FBXO42: variants seen among roughly 807,000 people sequenced by gnomAD.
FBXO42 encodes F-box only protein 42.
A neutral mutation model predicts 71.7 loss-of-function variants in FBXO42; 12 were observed. The observed-to-expected ratio is 0.17, with a 90% confidence interval of 0.11 to 0.27. The LOEUF (loss-of-function observed/expected upper bound fraction) is 0.27, where lower values mean the gene tolerates loss of function less well. Among genes scored for constraint, FBXO42 ranks in the 10% least tolerant of loss-of-function variants. The probability of loss-of-function intolerance (pLI) is 1.00; values close to 1 mark genes in which losing one functional copy is unlikely to be tolerated. For synonymous variants in FBXO42, 325 were observed against 327.5 expected, an observed-to-expected ratio of 0.99 and a Z score of 0.08; for missense variants, 707 against 911.9, an observed-to-expected ratio of 0.78 and a Z score of 2.89.
intron 4 of FBXO42, among the ~76,000 whole-genome samples, chr1:16,276,201 G>A (rs1476840323): frequency 2.0e-5 from 3 of 151,786 alleles, no homozygotes; most frequent in African/African-American, 4.8e-5. Flanking sequence ...CTAACACGGT[G>A]AAACCCCGTT....
intron 1 of FBXO42, among the ~76,000 whole-genome samples, chr1:16,326,534 A>C (rs1395454216): frequency 6.6e-6 from 1 of 151,634 alleles, no homozygotes; most frequent in Non-Finnish European, 1.5e-5. Flanking sequence ...AAATACAAAA[A>C]TTAGTGGGGT....
At chr1:16,345,847 C>CA (rs34529034) in intron 1 of FBXO42, among the ~76,000 whole-genome samples, 36,438 of 117,170 alleles carry the variant, frequency 0.31, 5,453 homozygotes, top group Non-Finnish European at 0.36. Flanking sequence ...GACTCCGTCT[C>CA]AAAAAAAAAA....
At chr1:16,336,352 TTTTG>T (rs559107004) in intron 1 of FBXO42, among the ~76,000 whole-genome samples, 142 of 151,992 alleles carry the variant, frequency 9.3e-4, no homozygotes, top group African/African-American at 3.1e-3. Context: ...TGCTGCCCTT[TTTTG>T]TTTGTTTTTG....
rs954352063 is a variant in FBXO42 at position 16,261,992 on chromosome 1, G to A, written c.503-5233C>T. ...CTCCCAAACTGCTGGGATTACAGGC[G>A]TGAGCCACCGCGCCTGGCCCAGGTA... On this transcript the variant is annotated intron_variant, in intron 4 of 9. Transcript: ENST00000375592. Among the ~76,000 whole-genome samples, 7 of 152,124 alleles carry A rather than the reference G, an allele frequency of 4.6e-5. No homozygotes were observed. In the South Asian group the frequency reaches 6.2e-4, roughly 14 times the overall value.
At chr1:16,281,829 G>C (rs1451768918) in intron 4 of FBXO42, among the ~76,000 whole-genome samples, 1 of 151,638 alleles carries the variant, frequency 6.6e-6, no homozygotes, top group East Asian at 1.9e-4. Flanking sequence ...GCTGATTTTT[G>C]TATTTTTTAT....
intron 4 of FBXO42, among the ~76,000 whole-genome samples, chr1:16,278,972 C>T (rs2081932815): frequency 6.6e-6 from 1 of 152,014 alleles, no homozygotes. Context: ...CACGGGGTTT[C>T]TCCATGTTGG....
At chr1:16,288,638 C>A (rs1015362777) in intron 4 of FBXO42, among the ~76,000 whole-genome samples, 1 of 151,938 alleles carries the variant, frequency 6.6e-6, no homozygotes, top group Non-Finnish European at 1.5e-5. Flanking sequence ...CTTGATTGGC[C>A]TTCTCATGCT....
At chr1:16,303,227 T>C (rs2082214940) in intron 3 of FBXO42, among the ~76,000 whole-genome samples, 1 of 152,138 alleles carries the variant, frequency 6.6e-6, no homozygotes, top group Non-Finnish European at 1.5e-5. Flanking sequence ...AACTCCTACA[T>C]GCAGCACACT....
intron 4 of FBXO42, among the ~76,000 whole-genome samples, chr1:16,285,307 T>G (rs1290657869): frequency 6.6e-6 from 1 of 151,994 alleles, no homozygotes; most frequent in East Asian, 1.9e-4. Flanking sequence ...CTTCCCATGC[T>G]CTGTTGCCCA....
chr1:16,294,598 T>A, intron 4 of FBXO42, 185 bp downstream of exon 4: 1 of 613,214 alleles, frequency 1.6e-6, no homozygotes, highest in South Asian at 2.4e-5. Flanking sequence ...TGATAAAGTA[T>A]AATTTAACAA....
intron 1 of FBXO42, among the ~76,000 whole-genome samples, chr1:16,336,861 C>T (rs1248309929): frequency 2.0e-5 from 3 of 151,858 alleles, no homozygotes; most frequent in African/African-American, 4.8e-5. Context: ...GGCAAACGCC[C>T]GTAATTCTAG....
At chr1:16,323,794 C>CAAAAAAAAAA (rs1158421632) in intron 1 of FBXO42, among the ~76,000 whole-genome samples, 1 of 63,246 alleles carries the variant, frequency 1.6e-5, no homozygotes, top group African/African-American at 7.0e-5. Context: ...GACTCTGTCT[C>CAAAAAAAAAA]AAAAAAAAAA....
intron 2 of FBXO42, among the ~76,000 whole-genome samples, chr1:16,308,151 AT>A (rs201927676): frequency 9.2e-5 from 14 of 151,516 alleles, no homozygotes; most frequent in East Asian, 5.8e-4. Context: ...CAGTCCATTC[AT>A]TTTTTTTTAA....
At chr1:16,268,455 C>T (rs1432123863) in intron 4 of FBXO42, among the ~76,000 whole-genome samples, 2 of 152,168 alleles carry the variant, frequency 1.3e-5, no homozygotes, top group East Asian at 3.9e-4. Context: ...AGGGAACCTA[C>T]TGGCTCTGCT....
chr1:16,271,026 G>A (rs1426074980), intron 4 of FBXO42, among the ~76,000 whole-genome samples: 1 of 152,078 alleles, frequency 6.6e-6, no homozygotes, highest in African/African-American at 2.4e-5. Flanking sequence ...CACAGAGGGA[G>A]ACATATGAAT....
intron 4 of FBXO42, among the ~76,000 whole-genome samples, chr1:16,292,108 ATTACT>A (rs2082085299): frequency 6.6e-6 from 1 of 152,226 alleles, no homozygotes; most frequent in Non-Finnish European, 1.5e-5. Context: ...TTGTTAGAAA[ATTACT>A]TTAAACATTC....
chr1:16,309,100 C>T (rs1190869563), intron 2 of FBXO42, among the ~76,000 whole-genome samples: 1 of 107,516 alleles, frequency 9.3e-6, no homozygotes, highest in East Asian at 3.2e-4. Context: ...CAGAGTGTCA[C>T]TCTGTCACCT....
chr1:16,254,428 A>C (rs569005851), intron 6 of FBXO42, among the ~76,000 whole-genome samples: 28 of 152,320 alleles, frequency 1.8e-4, no homozygotes, highest in African/African-American at 5.5e-4. Context: ...GACTAATGAA[A>C]GCTGCAGTTT....
At chr1:16,297,704 T>C (rs1188606614) in intron 3 of FBXO42, among the ~76,000 whole-genome samples, 1 of 147,850 alleles carries the variant, frequency 6.8e-6, no homozygotes, top group Non-Finnish European at 1.5e-5. Flanking sequence ...CTACTAAACA[T>C]ACAAAAAAAA....
Sources: allele counts gnomAD v4.1 joint callset (sites outside exome capture counted in the v4.1 genomes callset), GRCh38; gene constraint gnomAD v4.1.1; transcripts MANE v1.5; gene names NCBI Gene and HGNC (gene_info 2026-07-23, HGNC 2026-07-21).